The following FAT3 variants were observed in gnomAD, a reference collection of about 807,000 sequenced individuals.
FAT3 encodes FAT atypical cadherin 3.
In FAT3, 95 loss-of-function variants were observed where a neutral mutation model predicts 310.2. The ratio of observed to expected loss-of-function variants is 0.31; its 90% confidence interval spans 0.26 to 0.36. The LOEUF (loss-of-function observed/expected upper bound fraction) is 0.36, where lower values mean the gene tolerates loss of function less well. Among genes scored for constraint, FAT3 ranks in the 10% least tolerant of loss-of-function variants. FAT3 has a pLI of 1.00. For synonymous variants in FAT3, 2,314 were observed against 2,192.9 expected, an observed-to-expected ratio of 1.06 and a Z score of -1.54; for missense variants, 5,408 against 5,715.6, an observed-to-expected ratio of 0.95 and a Z score of 1.74.
chr11:92,469,288 CT>C (rs1416995695), intron 2 of FAT3, among the ~76,000 whole-genome samples: 1 of 152,074 alleles, frequency 6.6e-6, no homozygotes. Context: ...AAAATGAGAC[CT>C]TTTTAAAACC....
intron 3 of FAT3, among the ~76,000 whole-genome samples, chr11:92,575,815 G>C (rs950813494): frequency 1.3e-5 from 2 of 152,066 alleles, no homozygotes; most frequent in African/African-American, 4.8e-5. Context: ...TTAATAGGCA[G>C]AAGGAGGAAG....
chr11:92,451,224 G>T (rs1951345333), intron 2 of FAT3, among the ~76,000 whole-genome samples: 1 of 152,110 alleles, frequency 6.6e-6, no homozygotes, highest in African/African-American at 2.4e-5. Context: ...GTGAAGAAGG[G>T]TTTCTGATTT....
chr11:92,619,253 T>C (rs1416427045), intron 3 of FAT3, among the ~76,000 whole-genome samples: 2 of 152,182 alleles, frequency 1.3e-5, no homozygotes, highest in African/African-American at 4.8e-5. Flanking sequence ...TATTTGTTGA[T>C]AACTTTTGCA....
chr11:92,468,959 T>C (rs1440691096), intron 2 of FAT3, among the ~76,000 whole-genome samples: 1 of 152,058 alleles, frequency 6.6e-6, no homozygotes, highest in Non-Finnish European at 1.5e-5. Context: ...GATTTCTTTT[T>C]CTTGGATGTG....
chr11:92,523,675 C>T (rs995241220), intron 2 of FAT3, among the ~76,000 whole-genome samples: 3 of 152,150 alleles, frequency 2.0e-5, no homozygotes, highest in Admixed American at 1.3e-4. Flanking sequence ...ATGAATTTCA[C>T]GCTTTCTATG....
intron 13 of FAT3, among the ~76,000 whole-genome samples, chr11:92,815,183 TG>T (rs1947790783): frequency 6.6e-6 from 1 of 152,098 alleles, no homozygotes; most frequent in Admixed American, 6.6e-5. Context: ...TGAAATGAAT[TG>T]GAACAAGGAA....
chr11:92,406,185 T>C (rs1950133454), intron 2 of FAT3, among the ~76,000 whole-genome samples: 1 of 152,162 alleles, frequency 6.6e-6, no homozygotes, highest in South Asian at 2.1e-4. Flanking sequence ...ATATCCTTCC[T>C]AGTTTCCACT....
intron 1 of FAT3, among the ~76,000 whole-genome samples, chr11:92,338,397 A>C (rs1948148124): frequency 6.6e-6 from 1 of 152,134 alleles, no homozygotes; most frequent in African/African-American, 2.4e-5. Flanking sequence ...GTTGATATTA[A>C]GGAGAGGCAT....
chr11:92,291,116 C>CACAT (rs796468398), intron 1 of FAT3, among the ~76,000 whole-genome samples: 1 of 150,802 alleles, frequency 6.6e-6, no homozygotes, highest in Non-Finnish European at 1.5e-5. Flanking sequence ...CACACACACA[C>CACAT]ATGCACGCGC....
chr11:92,868,528 C>A (rs1591833340), intron 22 of FAT3, among the ~76,000 whole-genome samples: 2 of 152,084 alleles, frequency 1.3e-5, no homozygotes, highest in South Asian at 4.1e-4. Flanking sequence ...AGTTTTTCAC[C>A]AGGCAAAACA....
chr11:92,757,672 G>C (rs921322566), intron 4 of FAT3, among the ~76,000 whole-genome samples: 3 of 152,146 alleles, frequency 2.0e-5, no homozygotes, highest in African/African-American at 7.2e-5. Flanking sequence ...AGATGAATGG[G>C]TCCAGAGAAA....
At position 92,799,704 on chromosome 11, in the gene FAT3, T is replaced by C. The variant is rs1947279731; in HGVS notation, c.6691T>C (p.Phe2231Leu). The part of the protein sequence containing the change: ...IIIDGDPFKQ[F>L]NIDFDTGVLK... The stretch of plus-strand genomic sequence containing the variant: ...TATCGATGGGGACCCTTTTAAACAG[T>C]TTAACATTGACTTTGACACTGGGGT... Residue 2231 changes from phenylalanine to leucine, a missense_variant, in exon 10 of 28, where the codon TTT becomes CTT. Coordinates refer to ENST00000525166, the MANE Select transcript of FAT3 (RefSeq NM_001367949.2). 6.2e-7 allele frequency: 1 copy of C among 1,613,136 alleles called. No homozygotes were observed. The highest frequency in any genetic ancestry group is 1.7e-5 in the Admixed American group (1 of 59,894).
chr11:92,500,050 A>G (rs1359775776), intron 2 of FAT3, among the ~76,000 whole-genome samples: 2 of 152,024 alleles, frequency 1.3e-5, no homozygotes, highest in African/African-American at 4.8e-5. Context: ...AAATGTTTTC[A>G]TTCCTCCTTG....
intron 7 of FAT3, among the ~76,000 whole-genome samples, chr11:92,786,675 T>G (rs1301464537): frequency 6.6e-6 from 1 of 152,086 alleles, no homozygotes; most frequent in African/African-American, 2.4e-5. Context: ...ATAAAACCTT[T>G]GAGTAGGGGA....
At chr11:92,243,725 G>T (rs1182065747) in intron 1 of FAT3, among the ~76,000 whole-genome samples, 1 of 152,030 alleles carries the variant, frequency 6.6e-6, no homozygotes, top group East Asian at 1.9e-4. Context: ...GCTACCAGAT[G>T]AGCCACAGTA....
chr11:92,520,482 A>G (rs1255252908), intron 2 of FAT3, among the ~76,000 whole-genome samples: 2 of 152,066 alleles, frequency 1.3e-5, no homozygotes, highest in East Asian at 3.9e-4. Flanking sequence ...ATTGTATTCC[A>G]AATACCTCAA....
chr11:92,622,807 A>G (rs1428396104), intron 3 of FAT3, among the ~76,000 whole-genome samples: 1 of 152,136 alleles, frequency 6.6e-6, no homozygotes, highest in Non-Finnish European at 1.5e-5. Flanking sequence ...AAGAATTTAA[A>G]TCTTCTGCCT....
chr11:92,810,142 T>G (rs1205698748), intron 13 of FAT3, 66 bp downstream of exon 13: 2 of 1,432,294 alleles, frequency 1.4e-6, no homozygotes, highest in Non-Finnish European at 1.9e-6. Context: ...CTGCCATTCC[T>G]TTAGTTTTAT....
chr11:92,338,886 A>G (rs1056955698), intron 1 of FAT3, among the ~76,000 whole-genome samples: 4 of 152,092 alleles, frequency 2.6e-5, no homozygotes, highest in Non-Finnish European at 5.9e-5. Context: ...CTCAGAACCC[A>G]GTCAGGTTTA....
Sources: allele counts gnomAD v4.1 joint callset (sites outside exome capture counted in the v4.1 genomes callset), GRCh38; gene constraint gnomAD v4.1.1; transcripts MANE v1.5; gene names NCBI Gene and HGNC (gene_info 2026-07-23, HGNC 2026-07-21).